Variants in CACNA1D observed in about 807,000 individuals in gnomAD.
The protein encoded by CACNA1D is voltage-dependent L-type calcium channel subunit alpha-1D.
In CACNA1D, 55 loss-of-function variants were observed where a neutral mutation model predicts 257.1. The ratio of observed to expected loss-of-function variants is 0.21; its 90% CI spans 0.17 to 0.27. CACNA1D has a LOEUF of 0.27. Ranked by LOEUF, CACNA1D falls within the 10% of genes least tolerant of loss-of-function variation. The pLI, the probability that CACNA1D is intolerant of heterozygous loss-of-function variation, is 1.00. For synonymous variants in CACNA1D, 980 were observed against 1,014.9 expected, an observed-to-expected ratio of 0.97 and a Z score of 0.65; for missense variants, 1,876 against 2,784.0, an observed-to-expected ratio of 0.67 and a Z score of 7.34.
Position 53,673,887 on chromosome 3 carries a change from T to A in CACNA1D, c.1220+761T>A. ...GAGGCAACTCTGCGTGTCTCCTAGC[T>A]GCTCCCTGACAGCTTCTCTGCATGT... is the stretch of plus-strand genomic sequence containing the variant. On this transcript the variant is annotated intron_variant, in intron 8 of 47. Transcript: ENST00000350061. The surrounding 1 kb of genome is among the most constrained non-coding windows in gnomAD (Gnocchi z 4.1). 1 of 938,268 alleles carries A rather than the reference T, an allele frequency of 1.1e-6. No homozygotes were observed. The highest frequency in any genetic ancestry group is 1.7e-5 in the Admixed American group (1 of 59,052). 58.1% of individuals were successfully genotyped at this position (938,268 alleles called of 1,614,324 possible). A position where few individuals can be genotyped will look rare whatever the true frequency, so the allele number is the denominator to read the frequency against.
chr3:53,748,724 C>G (rs1257559523), intron 26 of CACNA1D, among the ~76,000 whole-genome samples: 2 of 152,140 alleles, frequency 1.3e-5, no homozygotes, highest in African/African-American at 2.4e-5. Context: ...GAAAGTGTCT[C>G]GGGAAGCCTA....
Position 53,745,638 on chromosome 3 carries a change from C to A in CACNA1D, c.3021C>A (p.Cys1007Ter). 6.2e-7 allele frequency: 1 copy of A among 1,612,754 alleles called. No individual in the cohort carries two copies. The change falls in exon 24 of 48, where the codon TGC (cysteine) becomes TGA (stop). Residue 1007 changes from cysteine to a stop codon, truncating the protein, a stop_gained. Coordinates refer to ENST00000350061, the MANE Select transcript of CACNA1D (RefSeq NM_001128840.3). LOFTEE classifies it high-confidence loss of function. ...CCTCTCCGCAGCACGTGGTCCAGTG[C>A]GTCTTCGTGGCCATCCGGACCATCG... ...RAKGLKHVVQCVFVAIRTIGN... is the reference protein window; with the variant it reads ...RAKGLKHVVQ
chr3:53,743,004 C>T lies in CACNA1D; in HGVS notation c.2812-7C>T, dbSNP rs1275237911. The T allele has an allele frequency of 1.9e-6, 3 of 1,579,378 alleles. No homozygotes were observed. The highest frequency in any genetic ancestry group is 2.6e-6 in the Non-Finnish European group (3 of 1,148,294). ...AAATGGTAAATCATCCATGATTCTG[C>T]TTCTAGATGACAACTTTTGGAGCTT... On this transcript the variant is annotated splice_region_variant and splice_polypyrimidine_tract_variant and intron_variant, in intron 21 of 47. Transcript: ENST00000350061.
At chr3:53,753,713 G>C in intron 29 of CACNA1D, 31 bp downstream of exon 29, 1 of 1,310,644 alleles carries the variant, frequency 7.6e-7, no homozygotes, top group South Asian at 1.2e-5. Flanking sequence ...TTCAAAGGTT[G>C]TTGCTGAGTC....
Position 53,745,686 on chromosome 3 carries a change from C to G in CACNA1D, c.3069C>G (p.Thr1023=). Residue 1023 remains threonine (T), a synonymous_variant, in exon 24 of 48, where the codon ACC becomes ACG. Coordinates refer to ENST00000350061, the MANE Select transcript of CACNA1D (RefSeq NM_001128840.3). ...RTIGNIMIVT[T]LLQFMFACIG... ...TCGGCAACATCATGATCGTCACCACCCTCCTGCAGTTCATGTTTGCCTGTA... is the reference window on the plus strand; with the variant it reads ...TCGGCAACATCATGATCGTCACCACGCTCCTGCAGTTCATGTTTGCCTGTA... The G allele has an allele frequency of 6.2e-7, 1 of 1,614,064 alleles. No individual in the cohort carries two copies. The highest frequency in any genetic ancestry group is 1.1e-5 in the South Asian group (1 of 91,082).
chr3:53,713,635 C>A (rs1174829287), intron 9 of CACNA1D, among the ~76,000 whole-genome samples: 2 of 151,900 alleles, frequency 1.3e-5, no homozygotes, highest in African/African-American at 4.8e-5. Flanking sequence ...AATGTCTACA[C>A]CTTGGTGAAA....
intron 9 of CACNA1D, among the ~76,000 whole-genome samples, chr3:53,717,787 A>G (rs1367147537): frequency 6.6e-6 from 1 of 152,216 alleles, no homozygotes; most frequent in Non-Finnish European, 1.5e-5. Context: ...TCTTAACTCT[A>G]AAAAATGTTG....
At chr3:53,590,007 C>G (rs1347102738) in intron 3 of CACNA1D, among the ~76,000 whole-genome samples, 1 of 152,242 alleles carries the variant, frequency 6.6e-6, no homozygotes, top group Non-Finnish European at 1.5e-5. Context: ...GACCTGGGCT[C>G]TCCTCCTTGG....
intron 21 of CACNA1D, among the ~76,000 whole-genome samples, chr3:53,741,220 G>T (rs1196622103): frequency 6.6e-6 from 1 of 152,232 alleles, no homozygotes; most frequent in African/African-American, 2.4e-5. Flanking sequence ...GGTCATTGTG[G>T]TTCTGGGAGA....
intron 8 of CACNA1D, among the ~76,000 whole-genome samples, chr3:53,698,868 A>T: frequency 6.6e-6 from 1 of 150,896 alleles, no homozygotes; most frequent in African/African-American, 2.4e-5. Flanking sequence ...CACCATAACC[A>T]AAATTCTGGT....
chr3:53,635,890 G>A (rs573746550), intron 3 of CACNA1D, among the ~76,000 whole-genome samples: 8 of 152,268 alleles, frequency 5.3e-5, no homozygotes, highest in South Asian at 2.1e-4. Flanking sequence ...CAGGAAACTC[G>A]CTGCCCGACC....
At chr3:53,592,927 G>C (rs1396922343) in intron 3 of CACNA1D, among the ~76,000 whole-genome samples, 2 of 152,294 alleles carry the variant, frequency 1.3e-5, no homozygotes, top group East Asian at 3.9e-4. Flanking sequence ...GACCTCAGGT[G>C]ATCTGTCCGC....
chr3:53,767,579 A>AC (rs2095341084), intron 30 of CACNA1D, among the ~76,000 whole-genome samples: 1 of 151,656 alleles, frequency 6.6e-6, no homozygotes, highest in Admixed American at 6.6e-5. Context: ...AAAAAAAAAA[A>AC]AACAACAAAA....
chr3:53,597,009 G>T (rs961472907), intron 3 of CACNA1D, among the ~76,000 whole-genome samples: 48 of 152,112 alleles, frequency 3.2e-4, no homozygotes, highest in African/African-American at 1.1e-3. Context: ...AGAGAAAATC[G>T]ACCTGAAAAT....
chr3:53,782,264 G>GTGTGTGTATATATATATATATATATA (rs6147823), intron 39 of CACNA1D: 3 of 75,446 alleles, frequency 4.0e-5, no homozygotes, highest in Admixed American at 1.9e-4. Flanking sequence ...GTGTGTGTGT[G>GTGTGTGTATATATATATATATATATA]TATATATATA....
In CACNA1D at chr3:53,805,107, A is replaced by G; in HGVS notation, c.5710A>G (p.Arg1904Gly). The change falls in exon 45 of 48, where the codon AGA (arginine) becomes GGA (glycine). Residue 1904 changes from arginine (R) to glycine (G), a missense_variant. Physicochemically the swap from Arg to Gly is moderately radical, Grantham distance 125. Transcript: ENST00000350061. ...CTCGCCCGTTTGCTATGATTCACGG[A>G]GATCTCCAAGGAGACGCCTACTACC... ...DDSPVCYDSRRSPRRRLLPPT... is the reference protein window; with the variant it reads ...DDSPVCYDSRGSPRRRLLPPT... The G allele has an allele frequency of 6.2e-7, 1 of 1,614,120 alleles. No individual in the cohort carries two copies. Among genetic ancestry groups the G allele is most frequent in the Non-Finnish European group, 8.5e-7 (1 of 1,180,020 alleles).
intron 30 of CACNA1D, among the ~76,000 whole-genome samples, chr3:53,762,998 A>C (rs909929051): frequency 3.9e-5 from 6 of 152,214 alleles, no homozygotes; most frequent in African/African-American, 1.4e-4. Context: ...CCAGCTGTAC[A>C]TGGAGTTACT....
intron 3 of CACNA1D, among the ~76,000 whole-genome samples, chr3:53,633,809 A>G (rs2093850255): frequency 6.6e-6 from 1 of 152,210 alleles, no homozygotes; most frequent in African/African-American, 2.4e-5. Context: ...TGGATGGTAC[A>G]GTTAAGCTAT....
At chr3:53,681,708 A>G (rs947413823) in intron 8 of CACNA1D, among the ~76,000 whole-genome samples, 1 of 152,222 alleles carries the variant, frequency 6.6e-6, no homozygotes, top group African/African-American at 2.4e-5. Context: ...GGAGGCCAAA[A>G]TGACAATTAC....
Sources: allele counts gnomAD v4.1 joint callset (sites outside exome capture counted in the v4.1 genomes callset), GRCh38; gene constraint gnomAD v4.1.1; non-coding constraint Gnocchi (gnomAD v3.1); transcripts MANE v1.5; gene names NCBI Gene and HGNC (gene_info 2026-07-23, HGNC 2026-07-21).